The following MYCBP2 variants were observed in gnomAD, a reference collection of about 807,000 sequenced individuals.
MYCBP2 encodes E3 ubiquitin-protein ligase MYCBP2.
Under a neutral mutation model 525.3 loss-of-function variants are expected in MYCBP2, and 120 were observed. The ratio of observed to expected loss-of-function variants is 0.23; its 90% CI spans 0.20 to 0.27. The LOEUF (loss-of-function observed/expected upper bound fraction) is 0.27, where lower values mean the gene tolerates loss of function less well. Ranked by LOEUF, MYCBP2 falls within the 10% of genes least tolerant of loss-of-function variation. The pLI, the probability that MYCBP2 is intolerant of heterozygous loss-of-function variation, is 1.00. For synonymous variants in MYCBP2, 1,894 were observed against 1,955.8 expected, an observed-to-expected ratio of 0.97 and a Z score of 0.83; for missense variants, 4,149 against 5,657.1, an observed-to-expected ratio of 0.73 and a Z score of 8.55.
chr13:77,061,752 T>G lies in MYCBP2; in HGVS notation c.12813A>C (p.Ala4271=), dbSNP rs1440775771. Residue 4271 remains alanine (A), a synonymous_variant, in exon 75 of 83, where the codon GCA becomes GCC. Transcript: ENST00000544440. ...CDNHDDGETA[A]IILCNVCGNL... ...TTCCACAGACATTGCATAAAATGATTGCTGCAGTTTCACCATCATCATGGT... is the reference window on the plus strand; with the variant it reads ...TTCCACAGACATTGCATAAAATGATGGCTGCAGTTTCACCATCATCATGGT... 5.0e-6 allele frequency: 8 copies of G among 1,610,002 alleles called. No homozygotes were observed. Among genetic ancestry groups the G allele is most frequent in the Non-Finnish European group, 6.8e-6 (8 of 1,177,572 alleles).
chr13:77,278,786 G>A lies in MYCBP2; in HGVS notation c.720C>T (p.Gly240=), dbSNP rs1475823350. The A allele has an allele frequency of 6.4e-7, 1 of 1,572,012 alleles. No homozygotes were observed. Among genetic ancestry groups the A allele is most frequent in the South Asian group, 1.2e-5 (1 of 83,598 alleles). The change falls in exon 4 of 83, where the codon GGC becomes GGT. Residue 240 remains glycine, a synonymous_variant. Transcript: ENST00000544440. ...LNVLQGQQPE[G]LQSEPPEVLE... is the part of the protein sequence containing the mutation. The stretch of plus-strand genomic sequence containing the variant: ...GGACCTCAGGTGGCTCAGACTGGAG[G>A]CCTTCTGGCTGCTGGCCCTGCAGCA...
At chr13:77,216,128 C>G (rs1045338649) in intron 21 of MYCBP2, among the ~76,000 whole-genome samples, 1 of 152,098 alleles carries the variant, frequency 6.6e-6, no homozygotes, top group Non-Finnish European at 1.5e-5. Context: ...AATGAAGGGG[C>G]ATGTCACAAG....
intron 4 of MYCBP2, among the ~76,000 whole-genome samples, chr13:77,278,511 G>C (rs2075860131): frequency 6.6e-6 from 1 of 152,148 alleles, no homozygotes; most frequent in Admixed American, 6.5e-5. Flanking sequence ...TGCTTCATAA[G>C]AGAAGCTCTT....
At chr13:77,281,340 C>T (rs2076168192) in intron 3 of MYCBP2, among the ~76,000 whole-genome samples, 1 of 151,768 alleles carries the variant, frequency 6.6e-6, no homozygotes, top group Non-Finnish European at 1.5e-5. Context: ...TTTTTAATAC[C>T]TCTTTAGAAA....
At position 77,064,604 on chromosome 13, in the gene MYCBP2, G is replaced by A. The variant is rs1196112265; in HGVS notation, c.12672+11C>T. 2 of 1,595,708 alleles carry A rather than the reference G, an allele frequency of 1.3e-6. No homozygotes were observed. Among genetic ancestry groups the A allele is most frequent in the Non-Finnish European group, 1.7e-6 (2 of 1,170,014 alleles). ...CAAATTTAAAACAAAACAAAACAAA[G>A]CAAAACCTACTCTAGTTGTTGCAAT... On this transcript the variant is annotated intron_variant, in intron 73 of 82. Coordinates refer to ENST00000544440, the MANE Select transcript of MYCBP2 (RefSeq NM_015057.5).
At position 77,061,649 on chromosome 13, in the gene MYCBP2, CA is replaced by C; in HGVS notation, c.12903+12del. 1 of 1,607,920 alleles carries C rather than the reference CA, an allele frequency of 6.2e-7. No homozygotes were observed. Among genetic ancestry groups the C allele is most frequent in the Non-Finnish European group, 8.5e-7 (1 of 1,178,424 alleles). On this transcript the variant is annotated intron_variant, in intron 75 of 82. Coordinates refer to ENST00000544440, the MANE Select transcript of MYCBP2 (RefSeq NM_015057.5). ...CTGAACATATTTTATGCTCCAGAGACAAAAATCTTCACCTGTCTTTGATGAG... is the reference window on the plus strand; with the variant it reads ...CTGAACATATTTTATGCTCCAGAGACAAAATCTTCACCTGTCTTTGATGAG...
At chr13:77,077,616 A>C in intron 66 of MYCBP2, 1 of 438,048 alleles carries the variant, frequency 2.3e-6, no homozygotes, top group East Asian at 4.0e-5. Flanking sequence ...AGGTTAAGGG[A>C]TTTTCAGTAA....
intron 55 of MYCBP2, among the ~76,000 whole-genome samples, chr13:77,106,014 C>T (rs547909714): frequency 6.6e-5 from 10 of 151,934 alleles, no homozygotes; most frequent in Non-Finnish European, 1.3e-4. Flanking sequence ...ATAATAAAAC[C>T]GTGTAACTTT....
Position 77,326,474 on chromosome 13 carries a change from C to T in MYCBP2, c.302G>A (p.Arg101Lys), listed in dbSNP as rs2082330429. The T allele has an allele frequency of 1.9e-6, 3 of 1,569,648 alleles. No individual in the cohort carries two copies. The highest frequency in any genetic ancestry group is 1.8e-5 in the Admixed American group (1 of 54,466). ...GGGSAGHPAS[R>K]NKKILNKKKL... ...AAGGAAGGGCACCCTGGGGACGCAC[C>T]TGGAGGCTGGGTGTCCAGCGCTGCC... Residue 101 changes from arginine (R) to lysine (K), a missense_variant and splice_region_variant, in exon 1 of 83, where the codon AGG becomes AAG. Around this residue, in one of 21 missense-constraint regions of MYCBP2, gnomAD observed 413 missense variants for 451.2 expected, o/e 0.92. Coordinates refer to ENST00000544440, the MANE Select transcript of MYCBP2 (RefSeq NM_015057.5). This position sits in a 1 kb window ranked among gnomAD's most constrained non-coding sequence, Gnocchi z 4.2.
intron 51 of MYCBP2, 151 bp from the exon 52 acceptor site, chr13:77,139,487 G>T: frequency 1.3e-6 from 1 of 771,920 alleles, no homozygotes; most frequent in Non-Finnish European, 1.9e-6. Flanking sequence ...AGACCCTCCA[G>T]GGAAAAAAAA....
intron 55 of MYCBP2, chr13:77,103,317 T>C (rs960498541): frequency 2.5e-6 from 1 of 397,330 alleles, no homozygotes; most frequent in African/African-American, 2.1e-5. Flanking sequence ...GATTCTACAG[T>C]GGAAAACATT....
intron 44 of MYCBP2, among the ~76,000 whole-genome samples, chr13:77,158,844 A>G (rs919622756): frequency 1.3e-5 from 2 of 152,294 alleles, no homozygotes; most frequent in East Asian, 3.9e-4. Flanking sequence ...TTGGGTAAAA[A>G]GTGGGTGGAA....
intron 65 of MYCBP2, among the ~76,000 whole-genome samples, 160 bp from the exon 66 acceptor site, chr13:77,079,049 A>G (rs920472568): frequency 1.3e-5 from 2 of 152,000 alleles, no homozygotes; most frequent in African/African-American, 2.4e-5. Flanking sequence ...CACGGTTCCT[A>G]TAACTTTAGT....
At chr13:77,325,451 A>C (rs904098712) in intron 1 of MYCBP2, among the ~76,000 whole-genome samples, 1 of 152,214 alleles carries the variant, frequency 6.6e-6, no homozygotes, top group Non-Finnish European at 1.5e-5. Context: ...ATGTAAGGGC[A>C]TGGAAAAGAA....
intron 21 of MYCBP2, among the ~76,000 whole-genome samples, chr13:77,216,665 A>G (rs972870534): frequency 1.3e-5 from 2 of 152,172 alleles, no homozygotes; most frequent in Non-Finnish European, 2.9e-5. Context: ...AATGAAGAGG[A>G]TTCTATTTTT....
Position 77,326,904 on chromosome 13 carries a change from A to T in MYCBP2, c.-129T>A. The T allele has an allele frequency of 1.2e-6, 1 of 838,630 alleles. No individual in the cohort carries two copies. The allele number at this position is 838,630 out of a possible 1,614,324, so 51.9% of individuals were successfully genotyped here. A position where few individuals can be genotyped will look rare whatever the true frequency, so the allele number is the denominator to read the frequency against. Reference sequence around the variant, plus strand: ...GGCCTCTGGCTCCCGCAGCAGGGAGACTACAAAGACAGCGACCTCCTTCTC... The same window carrying T: ...GGCCTCTGGCTCCCGCAGCAGGGAGTCTACAAAGACAGCGACCTCCTTCTC... On this transcript the variant is annotated 5_prime_UTR_variant, in exon 1 of 83. Coordinates refer to ENST00000544440, the MANE Select transcript of MYCBP2 (RefSeq NM_015057.5). This position sits in a 1 kb window ranked among gnomAD's most constrained non-coding sequence, Gnocchi z 4.2.
rs944430927 is a variant in MYCBP2, at chr13:77,289,392, C to G, written c.379-1016G>C. Among the ~76,000 whole-genome samples the G allele has an allele frequency of 3.3e-5, 5 of 151,892 alleles. No homozygotes were observed. In the South Asian group the frequency reaches 8.3e-4, roughly 25 times the overall value. ...CATTATGACCAACTGAGGTTTAACC[C>G]AGGGACAATGCTGGCACAACACTGG... On this transcript the variant is annotated intron_variant, in intron 2 of 82. Transcript: ENST00000544440.
At chr13:77,212,194 G>A (rs762917030) in intron 21 of MYCBP2, 34 bp from the exon 22 acceptor site, 3 of 1,581,926 alleles carry the variant, frequency 1.9e-6, no homozygotes, top group South Asian at 2.2e-5. Context: ...TAGCAATATT[G>A]CTGTGTAAAC....
intron 3 of MYCBP2, among the ~76,000 whole-genome samples, chr13:77,286,953 C>T (rs9565332): frequency 0.052 from 7,711 of 148,112 alleles, 332 homozygotes; most frequent in East Asian, 0.16. Context: ...GGCGCCATCT[C>T]GGCTCACTGC....
Sources: allele counts gnomAD v4.1 joint callset (sites outside exome capture counted in the v4.1 genomes callset), GRCh38; gene constraint gnomAD v4.1.1; regional missense constraint gnomAD v4.1.1; non-coding constraint Gnocchi (gnomAD v3.1); transcripts MANE v1.5; gene names NCBI Gene and HGNC (gene_info 2026-07-23, HGNC 2026-07-21).